The following ATP10A variants were observed in gnomAD, a reference collection of about 807,000 sequenced individuals.
ATP10A encodes the protein phospholipid-transporting ATPase VA.
ATP10A carries 111 observed loss-of-function variants against 147.8 expected under a neutral mutation model. The observed-to-expected ratio is 0.75, with a 90% CI of 0.64 to 0.88. ATP10A has a LOEUF of 0.88. Ranked by LOEUF, ATP10A falls within the 40% of genes least tolerant of loss-of-function variation. ATP10A has a pLI of 0.00. For missense variants in ATP10A, 1,927 were observed against 1,959.0 expected (o/e 0.98, Z 0.31); for synonymous variants, 875 against 841.6 (o/e 1.04, Z -0.69).
At chr15:25,811,478 A>G (rs1240816044) in intron 1 of ATP10A, among the ~76,000 whole-genome samples, 1 of 152,184 alleles carries the variant, frequency 6.6e-6, no homozygotes, top group Non-Finnish European at 1.5e-5. Flanking sequence ...AAGCCTTCCA[A>G]TGACTTCCCC....
chr15:25,778,238 A>G (rs1389627062), intron 2 of ATP10A, among the ~76,000 whole-genome samples: 1 of 152,186 alleles, frequency 6.6e-6, no homozygotes, highest in Non-Finnish European at 1.5e-5. Flanking sequence ...ATTATATTGT[A>G]TTTCACATAA....
chr15:25,729,326 G>A (rs1902803617), intron 3 of ATP10A, among the ~76,000 whole-genome samples: 1 of 152,140 alleles, frequency 6.6e-6, no homozygotes. Context: ...GTCACCAGGT[G>A]TCCTTGACTC....
At chr15:25,733,657 G>A (rs56075622) in intron 3 of ATP10A, among the ~76,000 whole-genome samples, 6,254 of 152,334 alleles carry the variant, frequency 0.041, 177 homozygotes, top group Non-Finnish European at 0.06. Context: ...TGGAGATGGC[G>A]AATTATCGTT....
chr15:25,686,221 A>G (rs1002844094), intron 16 of ATP10A, among the ~76,000 whole-genome samples: 2 of 152,128 alleles, frequency 1.3e-5, no homozygotes, highest in Non-Finnish European at 2.9e-5. Context: ...AAGGGGAAAG[A>G]GAGGTTGGGA....
At chr15:25,857,894 T>C (rs73356422) in intron 1 of ATP10A, among the ~76,000 whole-genome samples, 150 of 152,146 alleles carry the variant, frequency 9.9e-4, no homozygotes, top group African/African-American at 3.5e-3. Context: ...ATCTGTGGAA[T>C]GGGGATGTGG....
intron 1 of ATP10A, among the ~76,000 whole-genome samples, 199 bp from the exon 2 acceptor site, chr15:25,781,422 C>G (rs182000235): frequency 6.6e-6 from 1 of 151,912 alleles, no homozygotes; most frequent in Non-Finnish European, 1.5e-5. Flanking sequence ...TTTGAGAGAC[C>G]GAGGCGGGCA....
intron 1 of ATP10A, among the ~76,000 whole-genome samples, chr15:25,803,523 T>C (rs1041948283): frequency 6.6e-6 from 1 of 152,198 alleles, no homozygotes; most frequent in African/African-American, 2.4e-5. Flanking sequence ...AGTTGCTCTG[T>C]CTGTGTGAAT....
chr15:25,761,264 G>A (rs1389917762), intron 2 of ATP10A, among the ~76,000 whole-genome samples: 1 of 152,154 alleles, frequency 6.6e-6, no homozygotes, highest in African/African-American at 2.4e-5. Flanking sequence ...GTTGTCCGGG[G>A]CCACTCTCAG....
chr15:25,679,828 T>G lies in ATP10A; in HGVS notation c.4013A>C (p.His1338Pro), dbSNP rs762484510. ...GGTCTTGACTGTCCTCCCTGATGAGTGCTCGGTTCCCGAGTCCTTCGGGAG... is the reference window on the plus strand; with the variant it reads ...GGTCTTGACTGTCCTCCCTGATGAGGGCTCGGTTCCCGAGTCCTTCGGGAG... ...GRLPKDSGTE[H>P]SSGRTVKTSV... The change falls in exon 21 of 21, where the codon CAC becomes CCC. Residue 1338 changes from histidine to proline, a missense_variant. Coordinates refer to ENST00000555815, the MANE Select transcript of ATP10A (RefSeq NM_024490.4). The G allele has an allele frequency of 6.2e-7, 1 of 1,611,760 alleles. No individual in the cohort carries two copies. Among genetic ancestry groups the G allele is most frequent in the East Asian group, 2.2e-5 (1 of 44,858 alleles).
intron 1 of ATP10A, among the ~76,000 whole-genome samples, chr15:25,861,038 G>A (rs1018583335): frequency 5.3e-5 from 8 of 152,136 alleles, no homozygotes; most frequent in African/African-American, 1.9e-4. Flanking sequence ...AAGGGGTGCC[G>A]CTCTTGTCCC....
chr15:25,777,096 C>CGTGCGTGTGTGTGTGT (rs1555468163), intron 2 of ATP10A, among the ~76,000 whole-genome samples: 2 of 149,698 alleles, frequency 1.3e-5, no homozygotes, highest in African/African-American at 2.5e-5. Flanking sequence ...TGCATACGTG[C>CGTGCGTGTGTGTGTGT]GTGTGTGTGT....
chr15:25,735,041 A>C (rs1339450774), intron 3 of ATP10A, among the ~76,000 whole-genome samples: 1 of 151,110 alleles, frequency 6.6e-6, no homozygotes, highest in Admixed American at 6.6e-5. Flanking sequence ...TGGGTGGGGC[A>C]GGCGAGCCCA....
intron 1 of ATP10A, among the ~76,000 whole-genome samples, chr15:25,854,224 A>G (rs917091163): frequency 3.3e-5 from 5 of 152,188 alleles, no homozygotes; most frequent in African/African-American, 4.8e-5. Context: ...CCTGTGAAGG[A>G]CAGGACAGCC....
chr15:25,709,524 A>G (rs970229641), intron 10 of ATP10A: 4 of 152,204 alleles, frequency 2.6e-5, no homozygotes, highest in Admixed American at 6.5e-5. Flanking sequence ...TGACACTGAG[A>G]TTAACCACTC....
chr15:25,673,412 G>A (rs1016063905), downstream of ATP10A, among the ~76,000 whole-genome samples: 7 of 152,214 alleles, frequency 4.6e-5, no homozygotes, highest in Non-Finnish European at 1.0e-4. Flanking sequence ...AGCTACATCA[G>A]CTGCAAAAGA....
Position 25,716,819 on chromosome 15 carries a change from G to C in ATP10A, c.1687C>G (p.Pro563Ala). 1 of 1,611,236 alleles carries C rather than the reference G, an allele frequency of 6.2e-7. No individual in the cohort carries two copies. Among genetic ancestry groups the C allele is most frequent in the Non-Finnish European group, 8.5e-7 (1 of 1,178,834 alleles). ...AAATCAAAGACGTCAGACAGCTCAG[G>C]CGAGAGGTGGGCCAGCAGGTGCTCC... is the stretch of plus-strand genomic sequence containing the variant. ...HQEHLLAHLS[P>A]ELSDVFDFFI... The change falls in exon 9 of 21, where the codon CCT (proline) becomes GCT (alanine). Residue 563 changes from proline to alanine, a missense_variant. Transcript: ENST00000555815.
intron 14 of ATP10A, among the ~76,000 whole-genome samples, chr15:25,693,223 A>G (rs566812248): frequency 6.6e-6 from 1 of 151,540 alleles, no homozygotes; most frequent in African/African-American, 2.4e-5. Context: ...GGGACTCACT[A>G]TGTTGCCCAG....
At position 25,679,269 on chromosome 15, in the gene ATP10A, T is replaced by C. The variant is rs1899225135; in HGVS notation, c.*72A>G. 8.9e-7 allele frequency: 1 copy of C among 1,119,568 alleles called. No individual in the cohort carries two copies. Among genetic ancestry groups the C allele is most frequent in the African/African-American group, 1.6e-5 (1 of 61,664 alleles). The allele number at this position is 1,119,568 out of a possible 1,614,324, so 69.4% of individuals were successfully genotyped here. On this transcript the variant is annotated 3_prime_UTR_variant, in exon 21 of 21. Coordinates refer to ENST00000555815, the MANE Select transcript of ATP10A (RefSeq NM_024490.4). ...TAGAAATACATCTCCCTAGAACTCT[T>C]CTGTGCAAATAATAAACATAAATAA...
Position 25,798,504 on chromosome 15 carries a change from C to G in ATP10A, c.450-17281G>C, listed in dbSNP as rs530980758. On this transcript the variant is annotated intron_variant, in intron 1 of 20. Transcript: ENST00000555815. ...TAAGGGGGCCGAAGCCCAGATTCAT[C>G]TGGGTGACAGATGTTGTGTGTAATT... Among the ~76,000 whole-genome samples, 3 of 152,336 alleles carry G rather than the reference C, an allele frequency of 2.0e-5. No homozygotes were observed. The South Asian group carries it at 6.2e-4, about 32-fold the overall frequency.
Sources: gnomAD v4.1 joint callset for allele counts (sites outside exome capture counted in the v4.1 genomes callset) on GRCh38, gnomAD v4.1.1 for gene constraint, MANE v1.5 for transcripts, NCBI Gene and HGNC (gene_info 2026-07-23, HGNC 2026-07-21) for gene names.